The following ETNPPL variants were observed in gnomAD, a reference collection of about 807,000 sequenced individuals.
ETNPPL encodes the protein ethanolamine-phosphate phospho-lyase, also known as alanine--glyoxylate aminotransferase 2-like 1.
A neutral mutation model predicts 55.5 loss-of-function variants in ETNPPL; 30 were observed. The ratio of observed to expected loss-of-function variants is 0.54; its 90% confidence interval spans 0.40 to 0.73. ETNPPL has a LOEUF of 0.73. Ranked by LOEUF, ETNPPL falls within the 30% of genes least tolerant of loss-of-function variation. ETNPPL has a pLI of 0.00. For missense variants in ETNPPL, 528 were observed against 607.9 expected (o/e 0.87, Z 1.38); for synonymous variants, 202 against 207.2 (o/e 0.98, Z 0.21).
At chr4:108,753,760 G>C (rs57942720) in intron 5 of ETNPPL, among the ~76,000 whole-genome samples, 1 of 127,754 alleles carries the variant, frequency 7.8e-6, no homozygotes, top group Non-Finnish European at 1.7e-5. Context: ...AAGAAAGAAA[G>C]AAAGAAAGAA....
In ETNPPL at chr4:108,754,646, CT is replaced by C; in HGVS notation, c.474del (p.Asp159MetfsTer35). ...EISPYKFQKG[K>X]DVKKEFVHVA... ...ACATGTACAAATTCTTTTTTGACAT[CT>C]TTTCCTTTCTGAAACTTATATGGGC... On this transcript the variant is annotated frameshift_variant, in exon 5 of 13. Transcript: ENST00000296486. LOFTEE classifies it high-confidence loss of function. The C allele has an allele frequency of 6.3e-7, 1 of 1,589,206 alleles. No homozygotes were observed.
At chr4:108,759,659 G>T in intron 3 of ETNPPL, 90 bp downstream of exon 3, 1 of 1,348,420 alleles carries the variant, frequency 7.4e-7, no homozygotes, top group Non-Finnish European at 1.0e-6. Flanking sequence ...TTTTGGACAA[G>T]CTCCACCATG....
chr4:108,750,685 C>T (rs1394365123), intron 7 of ETNPPL, among the ~76,000 whole-genome samples: 1 of 145,310 alleles, frequency 6.9e-6, no homozygotes, highest in Non-Finnish European at 1.5e-5. Flanking sequence ...ACTAGCCAAT[C>T]AGAGAGGATG....
chr4:108,760,144 C>A (rs777827419), intron 2 of ETNPPL, 44 bp downstream of exon 2: 7 of 1,370,508 alleles, frequency 5.1e-6, no homozygotes, highest in Non-Finnish European at 7.3e-6. Flanking sequence ...CAGCTTTACT[C>A]CATGAACATT....
intron 1 of ETNPPL, 64 bp from the exon 2 acceptor site, chr4:108,760,370 A>G (rs1729457761): frequency 2.0e-5 from 17 of 843,772 alleles, no homozygotes; most frequent in Middle Eastern, 4.8e-4. Flanking sequence ...TTCCTTCTCA[A>G]TGAAGGTCCC....
chr4:108,753,749 T>TAAAGA (rs1553934219), intron 5 of ETNPPL, among the ~76,000 whole-genome samples: 7 of 76,712 alleles, frequency 9.1e-5, no homozygotes, highest in African/African-American at 2.6e-4. Context: ...CTCAAATAAA[T>TAAAGA]AAGAAAGAAA....
intron 11 of ETNPPL, among the ~76,000 whole-genome samples, chr4:108,744,774 G>A (rs1039444214): frequency 2.1e-5 from 3 of 141,286 alleles, no homozygotes; most frequent in South Asian, 4.5e-4. Flanking sequence ...AGGCTGAAGT[G>A]TAGTGGCACG....
chr4:108,745,595 G>A (rs60645770), intron 11 of ETNPPL, among the ~76,000 whole-genome samples: 10,348 of 150,334 alleles, frequency 0.069, 914 homozygotes, highest in East Asian at 0.49. Context: ...CTCTGTCTCA[G>A]AAAATAAATA....
chr4:108,749,140 C>A, intron 8 of ETNPPL, 98 bp downstream of exon 8: 1 of 853,044 alleles, frequency 1.2e-6, no homozygotes, highest in South Asian at 1.7e-5. Context: ...GGTGGTTAGC[C>A]GGCAATACTG....
At chr4:108,752,430 C>T (rs142873893) in intron 6 of ETNPPL, among the ~76,000 whole-genome samples, 5 of 152,262 alleles carry the variant, frequency 3.3e-5, no homozygotes, top group East Asian at 3.9e-4. Context: ...AGGCCCACAT[C>T]GGAAGAACAT....
intron 3 of ETNPPL, among the ~76,000 whole-genome samples, chr4:108,756,907 A>G (rs1729234472): frequency 6.6e-6 from 1 of 152,222 alleles, no homozygotes; most frequent in South Asian, 2.1e-4. Context: ...TTATAAAATA[A>G]TAAGTTGAAA....
intron 5 of ETNPPL, among the ~76,000 whole-genome samples, chr4:108,753,805 A>AAAGAAAGAAAGAAAGAAAGAAAGAAAG (rs778871409): frequency 8.5e-6 from 1 of 117,494 alleles, no homozygotes; most frequent in African/African-American, 3.4e-5. Flanking sequence ...AGAAAGAAAG[A>AAAGAAAGAAAGAAAGAAAGAAAGAAAG]AAAGAGAAGA....
intron 3 of ETNPPL, among the ~76,000 whole-genome samples, chr4:108,758,643 C>A (rs770435008): frequency 6.6e-6 from 1 of 152,192 alleles, no homozygotes; most frequent in Admixed American, 6.5e-5. Context: ...GCCCGAGGTG[C>A]CTGCCTGGAG....
intron 11 of ETNPPL, 54 bp downstream of exon 11, chr4:108,746,345 G>A (rs1647142574): frequency 6.4e-7 from 1 of 1,553,312 alleles, no homozygotes; most frequent in Non-Finnish European, 8.7e-7. Context: ...CAGGGTTTGA[G>A]GGGTGGGTTT....
intron 7 of ETNPPL, among the ~76,000 whole-genome samples, chr4:108,750,614 G>GATATATATTTTTTATATATATATAT (rs1164661418): frequency 2.5e-5 from 3 of 121,650 alleles, no homozygotes; most frequent in Admixed American, 8.1e-5. Flanking sequence ...ATATATATAG[G>GATATATATTTTTTATATATATATAT]ATATATATAT....
chr4:108,746,340 T>G, intron 11 of ETNPPL, 59 bp downstream of exon 11: 1 of 1,530,654 alleles, frequency 6.5e-7, no homozygotes, highest in East Asian at 2.3e-5. Flanking sequence ...TAGACCAGGG[T>G]TTGAGGGGTG....
At chr4:108,744,236 G>C (rs1728355318) in intron 11 of ETNPPL, among the ~76,000 whole-genome samples, 1 of 151,848 alleles carries the variant, frequency 6.6e-6, no homozygotes, top group African/African-American at 2.4e-5. Context: ...ACTCCAGCCT[G>C]GGCGACAGAG....
At chr4:108,746,973 C>T in intron 9 of ETNPPL, 122 bp from the exon 10 acceptor site, 1 of 622,384 alleles carries the variant, frequency 1.6e-6, no homozygotes, top group Non-Finnish European at 2.8e-6. Flanking sequence ...AATCAAGATA[C>T]CAATCTATGT....
At chr4:108,748,391 A>C (rs1255618521) in intron 8 of ETNPPL, among the ~76,000 whole-genome samples, 1 of 152,188 alleles carries the variant, frequency 6.6e-6, no homozygotes, top group Non-Finnish European at 1.5e-5. Flanking sequence ...GGTATGAAGG[A>C]CTACCAGTGA....
Sources: allele counts gnomAD v4.1 joint callset (sites outside exome capture counted in the v4.1 genomes callset), GRCh38; gene constraint gnomAD v4.1.1; transcripts MANE v1.5; gene names NCBI Gene and HGNC (gene_info 2026-07-23, HGNC 2026-07-21).